ABLIM2: variants seen among roughly 807,000 people sequenced by gnomAD.
ABLIM2 encodes actin binding LIM protein family member 2, also known as actin-binding LIM protein 2.
ABLIM2 carries 53 observed loss-of-function variants against 97.7 expected under a neutral mutation model. The ratio of observed to expected loss-of-function variants is 0.54; its 90% CI spans 0.44 to 0.68. The LOEUF (loss-of-function observed/expected upper bound fraction) is 0.68. Among genes scored for constraint, ABLIM2 ranks in the 30% least tolerant of loss-of-function variants. ABLIM2 has a pLI of 0.00. For missense variants in ABLIM2, 835 were observed against 867.2 expected (o/e 0.96, Z 0.47); for synonymous variants, 361 against 345.8 (o/e 1.04, Z -0.49).
Position 8,061,984 on chromosome 4 carries a change from G to A in ABLIM2, c.676-930C>T, listed in dbSNP as rs1243970974. 5.3e-5 allele frequency among the ~76,000 whole-genome samples: 8 copies of A among 151,914 alleles called. No individual in the cohort carries two copies. Among genetic ancestry groups the A allele is most frequent in the South Asian group, 2.1e-4 (1 of 4,780 alleles). ...AGCCCAGAGCAGGCTTTTCTCCTGC[G>A]CAGAGCCTGGTGTGGCCTCCTCTGC... On this transcript the variant is annotated intron_variant, in intron 6 of 20. Coordinates refer to ENST00000447017, the MANE Select transcript of ABLIM2 (RefSeq NM_001130083.2). This position sits in a 1 kb window ranked among gnomAD's most constrained non-coding sequence, Gnocchi z 4.5.
At chr4:8,070,195 G>C (rs1810994276) in intron 6 of ABLIM2, among the ~76,000 whole-genome samples, 1 of 151,148 alleles carries the variant, frequency 6.6e-6, no homozygotes, top group Non-Finnish European at 1.5e-5. Flanking sequence ...TCTGTGCTGT[G>C]TCTGTCTTGT....
At chr4:8,141,356 C>T (rs958689803) in intron 1 of ABLIM2, among the ~76,000 whole-genome samples, 1 of 152,190 alleles carries the variant, frequency 6.6e-6, no homozygotes, top group Non-Finnish European at 1.5e-5. Context: ...TTACCAGCCC[C>T]TCTTCCTCCT....
intron 1 of ABLIM2, among the ~76,000 whole-genome samples, chr4:8,142,748 G>A (rs1452730556): frequency 1.3e-5 from 2 of 152,214 alleles, no homozygotes; most frequent in South Asian, 2.1e-4. Context: ...CTGCACGGTT[G>A]GACAAAGGTG....
Position 8,043,786 on chromosome 4 carries a change from C to A in ABLIM2, c.900+1378G>T, listed in dbSNP as rs942305223. ...TAACGGCAGCAAGCGTTTCCCACAGCCTTCTTCTGGGCAGGCGCTGTGCTC... is the reference window on the plus strand; with the variant it reads ...TAACGGCAGCAAGCGTTTCCCACAGACTTCTTCTGGGCAGGCGCTGTGCTC... On this transcript the variant is annotated intron_variant, in intron 9 of 20. Coordinates refer to ENST00000447017, the MANE Select transcript of ABLIM2 (RefSeq NM_001130083.2). This position sits in a 1 kb window ranked among gnomAD's most constrained non-coding sequence, Gnocchi z 4.8. Among the ~76,000 whole-genome samples, 2 of 152,204 alleles carry A rather than the reference C, an allele frequency of 1.3e-5. No homozygotes were observed. Among genetic ancestry groups the A allele is most frequent in the Non-Finnish European group, 2.9e-5 (2 of 68,030 alleles).
intron 3 of ABLIM2, among the ~76,000 whole-genome samples, chr4:8,091,568 A>G (rs866973450): frequency 4.9e-5 from 2 of 40,870 alleles, no homozygotes; most frequent in Non-Finnish European, 7.3e-5. Flanking sequence ...TATATATTAT[A>G]TATAATTTTA....
chr4:8,056,620 C>T (rs896208139), intron 7 of ABLIM2, among the ~76,000 whole-genome samples: 1 of 150,598 alleles, frequency 6.6e-6, no homozygotes, highest in African/African-American at 2.4e-5. Flanking sequence ...AATTTCATAT[C>T]CTACATATTT....
At chr4:8,057,373 A>C (rs934968322) in intron 7 of ABLIM2, among the ~76,000 whole-genome samples, 24 of 152,260 alleles carry the variant, frequency 1.6e-4, no homozygotes, top group Middle Eastern at 3.4e-3. Context: ...GGCATGAGCC[A>C]CTGCACCTGG....
rs944392341 is a variant in ABLIM2, at chr4:8,068,205, C to G, written c.676-7151G>C. The stretch of plus-strand genomic sequence containing the variant: ...CCCAGGCAGGCGGAAGTCCCACCCT[C>G]GCCCGCGTGGGGCTCATGATGGCTC... On this transcript the variant is annotated intron_variant, in intron 6 of 20. Coordinates refer to ENST00000447017, the MANE Select transcript of ABLIM2 (RefSeq NM_001130083.2). The surrounding 1 kb of genome is among the most constrained non-coding windows in gnomAD (Gnocchi z 4.5). Among the ~76,000 whole-genome samples the G allele has an allele frequency of 6.6e-6, 1 of 152,190 alleles. No individual in the cohort carries two copies. Among genetic ancestry groups the G allele is most frequent in the African/African-American group, 2.4e-5 (1 of 41,452 alleles).
chr4:8,152,250 G>A (rs140452278), intron 1 of ABLIM2, among the ~76,000 whole-genome samples: 2 of 152,346 alleles, frequency 1.3e-5, no homozygotes, highest in East Asian at 1.9e-4. Context: ...GGCAGACAGC[G>A]CCCGCCTAGC....
Position 8,130,306 on chromosome 4 carries a change from T to TGGGCC in ABLIM2, c.11-23670_11-23669insGGCCC. ...CCGGGATGGCCCATGCTGGGAAACA[T>TGGGCC]CACGTTGCTTTGAGGCCATCATCTT... On this transcript the variant is annotated intron_variant, in intron 1 of 20. Transcript: ENST00000447017. The surrounding 1 kb of genome is among the most constrained non-coding windows in gnomAD (Gnocchi z 4.2). 2.0e-5 allele frequency among the ~76,000 whole-genome samples: 3 copies of TGGGCC among 152,100 alleles called. No homozygotes were observed. The highest frequency in any genetic ancestry group is 4.4e-5 in the Non-Finnish European group (3 of 68,024).
chr4:8,084,396 G>A (rs917121490), intron 4 of ABLIM2, among the ~76,000 whole-genome samples: 1 of 152,114 alleles, frequency 6.6e-6, no homozygotes, highest in African/African-American at 2.4e-5. Flanking sequence ...GCCTCACCTC[G>A]AGGCTCTCCT....
Position 8,054,323 on chromosome 4 carries a change from A to T in ABLIM2, c.764-77T>A. On this transcript the variant is annotated intron_variant, in intron 7 of 20. Coordinates refer to ENST00000447017, the MANE Select transcript of ABLIM2 (RefSeq NM_001130083.2). This position sits in a 1 kb window ranked among gnomAD's most constrained non-coding sequence, Gnocchi z 4.9. ...AGGGGCCTGTGTGGAAACGCAGAGGAGGGAGCTGGTCCATGCACAGACGTG... is the reference window on the plus strand; with the variant it reads ...AGGGGCCTGTGTGGAAACGCAGAGGTGGGAGCTGGTCCATGCACAGACGTG... 6 of 1,501,076 alleles carry T rather than the reference A, an allele frequency of 4.0e-6. No homozygotes were observed. Among genetic ancestry groups the T allele is most frequent in the Non-Finnish European group, 5.5e-6 (6 of 1,084,232 alleles). The allele number at this position is 1,501,076 out of a possible 1,614,324, so 93.0% of individuals were successfully genotyped here.
intron 1 of ABLIM2, among the ~76,000 whole-genome samples, chr4:8,145,774 A>G (rs1363705334): frequency 2.0e-5 from 3 of 150,782 alleles, no homozygotes; most frequent in Non-Finnish European, 3.0e-5. Context: ...ACACACACAC[A>G]CACACACACA....
intron 1 of ABLIM2, among the ~76,000 whole-genome samples, chr4:8,107,482 T>G (rs1838046285): frequency 1.3e-5 from 2 of 151,614 alleles, no homozygotes; most frequent in African/African-American, 2.4e-5. Context: ...TGAGGAGGAG[T>G]TGGTAGATGG....
At chr4:8,135,791 G>C (rs1195452753) in intron 1 of ABLIM2, among the ~76,000 whole-genome samples, 4 of 152,212 alleles carry the variant, frequency 2.6e-5, no homozygotes, top group Non-Finnish European at 4.4e-5. Flanking sequence ...CATGGGCAAG[G>C]GGCCTCTCAC....
In ABLIM2 at chr4:7,983,560, AGAGAGAGAGAGCG is replaced by A; in HGVS notation, c.1736-19_1736-7del. On this transcript the variant is annotated splice_polypyrimidine_tract_variant and splice_region_variant and intron_variant, in intron 18 of 20. Transcript: ENST00000447017. ...GGCCCCGCTTACCTTGTATTCTGTAAGAGAGAGAGAGCGGAGACCACGAAATGGTTTAGAAAGT... is the reference window on the plus strand; with the variant it reads ...GGCCCCGCTTACCTTGTATTCTGTAAGAGACCACGAAATGGTTTAGAAAGT... 1 of 1,609,130 alleles carries A rather than the reference AGAGAGAGAGAGCG, an allele frequency of 6.2e-7. No individual in the cohort carries two copies. Among genetic ancestry groups the A allele is most frequent in the Non-Finnish European group, 8.5e-7 (1 of 1,177,686 alleles).
Position 8,130,618 on chromosome 4 carries a change from GCAC to G in ABLIM2, c.11-23984_11-23982del, listed in dbSNP as rs373115449. ...GCCCGAGTCCAGGGTGTGCTTGACG[GCAC>G]CCAGGGGAGCACAGGGTGATCTGAC... On this transcript the variant is annotated intron_variant, in intron 1 of 20. Coordinates refer to ENST00000447017, the MANE Select transcript of ABLIM2 (RefSeq NM_001130083.2). This position sits in a 1 kb window ranked among gnomAD's most constrained non-coding sequence, Gnocchi z 4.2. Among the ~76,000 whole-genome samples, 1,308 of 152,228 alleles carry G rather than the reference GCAC, an allele frequency of 8.6e-3. 16 individuals carry two copies. Among genetic ancestry groups the G allele is most frequent in the African/African-American group, 0.03 (1,252 of 41,534 alleles).
intron 9 of ABLIM2, among the ~76,000 whole-genome samples, chr4:8,041,115 A>G (rs1412414966): frequency 1.3e-5 from 2 of 152,240 alleles, no homozygotes; most frequent in African/African-American, 4.8e-5. Context: ...GAAGTCCATC[A>G]AAGCTGAGAC....
At position 8,046,609 on chromosome 4, in the gene ABLIM2, C is replaced by G. The variant is rs1046012353; in HGVS notation, c.823-1368G>C. ...CTGAGTAGACCCTTTTCTTGCCACC[C>G]CCAACAATTCTGTCCTGCCCATTTC... On this transcript the variant is annotated intron_variant, in intron 8 of 20. Transcript: ENST00000447017. The surrounding 1 kb of genome is among the most constrained non-coding windows in gnomAD (Gnocchi z 4.4). 5.3e-5 allele frequency among the ~76,000 whole-genome samples: 8 copies of G among 152,172 alleles called. No individual in the cohort carries two copies. The highest frequency in any genetic ancestry group is 1.9e-4 in the African/African-American group (8 of 41,450).
Sources: gnomAD v4.1 joint callset for allele counts (sites outside exome capture counted in the v4.1 genomes callset) on GRCh38, gnomAD v4.1.1 for gene constraint, Gnocchi (gnomAD v3.1) non-coding constraint, MANE v1.5 for transcripts, NCBI Gene and HGNC (gene_info 2026-07-23, HGNC 2026-07-21) for gene names.